KIAA1549: variants seen among roughly 807,000 people sequenced by gnomAD.
The protein encoded by KIAA1549 is KIAA1549.
In KIAA1549, 70 loss-of-function variants were observed where a neutral mutation model predicts 156.4. The observed-to-expected ratio is 0.45, with a 90% CI of 0.37 to 0.55. The LOEUF is 0.55. Among genes scored for constraint, KIAA1549 ranks in the 20% least tolerant of loss-of-function variants. The probability of loss-of-function intolerance (pLI) is 0.00; values close to 1 mark genes in which losing one functional copy is unlikely to be tolerated. For missense variants in KIAA1549, 2,428 were observed against 2,540.9 expected, an observed-to-expected ratio of 0.96 and a Z score of 0.96; for synonymous variants, 1,103 against 1,066.4, an observed-to-expected ratio of 1.03 and a Z score of -0.67.
At chr7:138,841,865 C>T (rs1399716925) in intron 18 of KIAA1549, among the ~76,000 whole-genome samples, 5 of 148,958 alleles carry the variant, frequency 3.4e-5, no homozygotes, top group South Asian at 2.1e-4. Flanking sequence ...CGTACCTGAC[C>T]GACAACCTCA....
At chr7:138,854,081 A>T (rs1033172463) in intron 16 of KIAA1549, among the ~76,000 whole-genome samples, 15 of 152,232 alleles carry the variant, frequency 9.9e-5, no homozygotes, top group Non-Finnish European at 1.9e-4. Flanking sequence ...TTAAAAAAAA[A>T]TGACAGACAG....
chr7:138,952,229 G>A (rs998876732), intron 1 of KIAA1549, among the ~76,000 whole-genome samples: 4 of 152,208 alleles, frequency 2.6e-5, no homozygotes, highest in Non-Finnish European at 5.9e-5. Flanking sequence ...ACAAGGTCAA[G>A]AGCCACTGGA....
At chr7:138,956,214 A>G (rs904629981) in intron 1 of KIAA1549, among the ~76,000 whole-genome samples, 1 of 152,210 alleles carries the variant, frequency 6.6e-6, no homozygotes, top group African/African-American at 2.4e-5. Flanking sequence ...TTCATGGAAC[A>G]GGTCTGGAAT....
intron 1 of KIAA1549, among the ~76,000 whole-genome samples, chr7:138,965,689 T>C (rs1023769104): frequency 3.3e-5 from 5 of 152,170 alleles, no homozygotes; most frequent in Admixed American, 6.5e-5. Flanking sequence ...TATGATACCA[T>C]TGCTTTCTGT....
rs1814543913 is a variant in KIAA1549, at chr7:138,981,247, C to CGTCGGCGCCGCGCCCCCGGCATTCCCG, written c.-5_22dup (p.Arg7_Arg8insProGlyMetProGlyAlaArgArgArg). On this transcript the variant is annotated inframe_insertion, in exon 1 of 20. Coordinates refer to ENST00000422774, the MANE Select transcript of KIAA1549 (RefSeq NM_001164665.2). This position sits in a 1 kb window ranked among gnomAD's most constrained non-coding sequence, Gnocchi z 4.5. The stretch of plus-strand genomic sequence containing the variant: ...CTTCCCCTCCATGGCCGCGCCTCGG[C>CGTCGGCGCCGCGCCCCCGGCATTCCCG]GTCGGCGCCGCGCCCCCGGCATTCC... 2 of 982,634 alleles carry CGTCGGCGCCGCGCCCCCGGCATTCCCG rather than the reference C, an allele frequency of 2.0e-6. No individual in the cohort carries two copies. The highest frequency in any genetic ancestry group is 3.5e-5 in the African/African-American group (2 of 56,684). The allele number at this position is 982,634 out of a possible 1,614,324, so 60.9% of individuals were successfully genotyped here.
In KIAA1549 at chr7:138,837,724, A is replaced by G. The variant is rs1310488690; in HGVS notation, c.*182T>C. On this transcript the variant is annotated 3_prime_UTR_variant, in exon 20 of 20. Transcript: ENST00000422774. ...CAAGTGTTCAGACAATTGCCAGCCC[A>G]GTGAAAGGCTCATGAGCTGTCACAC... The G allele has an allele frequency of 1.6e-6, 1 of 635,804 alleles. No homozygotes were observed. Among genetic ancestry groups the G allele is most frequent in the Non-Finnish European group, 2.7e-6 (1 of 376,290 alleles). 39.4% of individuals were successfully genotyped at this position (635,804 alleles called of 1,614,324 possible).
intron 1 of KIAA1549, among the ~76,000 whole-genome samples, chr7:138,970,057 G>C (rs1162098817): frequency 1.3e-5 from 2 of 152,088 alleles, no homozygotes; most frequent in Admixed American, 1.3e-4. Context: ...CAAATACTAG[G>C]TCTTACTCAT....
At chr7:138,954,616 T>TC (rs1202428310) in intron 1 of KIAA1549, among the ~76,000 whole-genome samples, 1 of 151,210 alleles carries the variant, frequency 6.6e-6, no homozygotes, top group African/African-American at 2.4e-5. Context: ...GGCACCCCCC[T>TC]CCCCCCACAA....
At chr7:138,886,489 C>A (rs1811394329) in intron 10 of KIAA1549, among the ~76,000 whole-genome samples, 2 of 152,058 alleles carry the variant, frequency 1.3e-5, no homozygotes, top group Middle Eastern at 3.2e-3. Context: ...CATTGCCCAG[C>A]TGATCTGGAA....
intron 13 of KIAA1549, 117 bp downstream of exon 13, chr7:138,871,040 C>T: frequency 1.1e-6 from 1 of 926,090 alleles, no homozygotes; most frequent in Non-Finnish European, 1.6e-6. Context: ...TGGTCTCAAA[C>T]TCCCGACCTC....
At chr7:138,949,783 C>T (rs1385313872) in intron 1 of KIAA1549, among the ~76,000 whole-genome samples, 2 of 152,226 alleles carry the variant, frequency 1.3e-5, no homozygotes, top group African/African-American at 4.8e-5. Flanking sequence ...CCAGGACTGG[C>T]TATGACACGC....
chr7:138,973,220 T>C (rs144247790), intron 1 of KIAA1549, among the ~76,000 whole-genome samples: 187 of 152,288 alleles, frequency 1.2e-3, no homozygotes, highest in African/African-American at 4.3e-3. Context: ...ACCATTAAGT[T>C]ATAGGGAATA....
rs750713293 is a variant in KIAA1549, at chr7:138,917,155, A to G, written c.2471T>C (p.Val824Ala). 4 of 1,613,780 alleles carry G rather than the reference A, an allele frequency of 2.5e-6. No individual in the cohort carries two copies. The African/African-American group carries it at 4.0e-5, about 16-fold the overall frequency. Residue 824 changes from valine (V) to alanine (A), a missense_variant, in exon 2 of 20, where the codon GTC (valine) becomes GCC (alanine). Physicochemically the swap from Val to Ala is moderately conservative, Grantham distance 64. Coordinates refer to ENST00000422774, the MANE Select transcript of KIAA1549 (RefSeq NM_001164665.2). ...QISALDGHVS[V>A]LASFSKAIPT... ...AATGGCTTTGGAGAAAGAGGCCAGG[A>G]CAGACACGTGACCGTCTAGAGCACT...
intron 1 of KIAA1549, among the ~76,000 whole-genome samples, chr7:138,944,228 C>T (rs74937122): frequency 0.036 from 5,493 of 152,170 alleles, 156 homozygotes; most frequent in Non-Finnish European, 0.059. Context: ...CTCCAGCCAC[C>T]CCAGCCCCCA....
rs369690093 is a variant in KIAA1549, at chr7:138,908,982, T to C, written c.3276+9A>G. On this transcript the variant is annotated intron_variant, in intron 5 of 19. Coordinates refer to ENST00000422774, the MANE Select transcript of KIAA1549 (RefSeq NM_001164665.2). ...AAGCCTTCTGCTCTGCATTCAGTGA[T>C]ATTCTCACCTGCACCGTGAGGTTAT... 1.5e-4 allele frequency: 239 copies of C among 1,613,920 alleles called. 1 individual carries two copies. The African/African-American group carries it at 2.7e-3, about 18-fold the overall frequency.
Position 138,834,172 on chromosome 7 carries a change from C to G in KIAA1549, c.*3734G>C, listed in dbSNP as rs1809634139. The G allele has an allele frequency of 5.0e-6, 1 of 198,674 alleles. No individual in the cohort carries two copies. The highest frequency in any genetic ancestry group is 6.0e-5 in the Admixed American group (1 of 16,556). The allele number at this position is 198,674 out of a possible 1,614,324, so 12.3% of individuals were successfully genotyped here. On this transcript the variant is annotated 3_prime_UTR_variant, in exon 20 of 20. Transcript: ENST00000422774. Reference sequence around the variant, plus strand: ...TTATGTCTTTTGAACAAATTTTTTTCTTTTTGAGACACAGTCTTGCTCTGT... The same window carrying G: ...TTATGTCTTTTGAACAAATTTTTTTGTTTTTGAGACACAGTCTTGCTCTGT...
chr7:138,928,677 C>G (rs909502629), intron 1 of KIAA1549, among the ~76,000 whole-genome samples: 2 of 152,212 alleles, frequency 1.3e-5, no homozygotes, highest in Non-Finnish European at 2.9e-5. Flanking sequence ...AAGCAAGTCA[C>G]ACAAATTTTT....
At chr7:138,958,118 A>G (rs1813724055) in intron 1 of KIAA1549, among the ~76,000 whole-genome samples, 1 of 152,230 alleles carries the variant, frequency 6.6e-6, no homozygotes, top group African/African-American at 2.4e-5. Context: ...GGATACATGC[A>G]CGTTAATGAT....
chr7:138,943,639 G>A (rs1294860084), intron 1 of KIAA1549, among the ~76,000 whole-genome samples: 2 of 152,122 alleles, frequency 1.3e-5, no homozygotes, highest in Non-Finnish European at 2.9e-5. Context: ...CACAAGGTCA[G>A]GAGATCGAGA....
Sources: gnomAD v4.1 joint callset for allele counts (sites outside exome capture counted in the v4.1 genomes callset) on GRCh38, gnomAD v4.1.1 for gene constraint, Gnocchi (gnomAD v3.1) non-coding constraint, MANE v1.5 for transcripts, NCBI Gene and HGNC (gene_info 2026-07-23, HGNC 2026-07-21) for gene names.